The following MYH15 variants were observed in gnomAD, a reference collection of about 807,000 sequenced individuals.
MYH15 encodes myosin heavy chain 15, also known as myosin-15.
MYH15 carries 227 observed loss-of-function variants against 240.5 expected under a neutral mutation model. The observed-to-expected ratio is 0.94, with a 90% CI of 0.85 to 1.05. The LOEUF (loss-of-function observed/expected upper bound fraction) is 1.05. Among genes scored for constraint, MYH15 ranks in the 50% least tolerant of loss-of-function variants. The pLI is 0.00. For missense variants in MYH15, 2,217 were observed against 2,247.5 expected, an observed-to-expected ratio of 0.99 and a Z score of 0.27; for synonymous variants, 785 against 796.7, an observed-to-expected ratio of 0.99 and a Z score of 0.25.
chr3:108,401,185 T>C (rs976921552), intron 33 of MYH15, among the ~76,000 whole-genome samples: 2 of 152,208 alleles, frequency 1.3e-5, no homozygotes, highest in African/African-American at 4.8e-5. Flanking sequence ...GTTCTTGCCG[T>C]AACCCCCAAG....
At chr3:108,459,664 T>C (rs2083054377) in intron 17 of MYH15, among the ~76,000 whole-genome samples, 2 of 152,206 alleles carry the variant, frequency 1.3e-5, no homozygotes, top group African/African-American at 2.4e-5. Flanking sequence ...CATAGTTAAA[T>C]TGTGAATCAT....
chr3:108,395,016 A>G (rs2082449022), intron 35 of MYH15, among the ~76,000 whole-genome samples: 1 of 152,192 alleles, frequency 6.6e-6, no homozygotes, highest in Non-Finnish European at 1.5e-5. Flanking sequence ...CTGTAATCCT[A>G]GCACTTTGGG....
Position 108,410,941 on chromosome 3 carries a change from G to T in MYH15, c.4146-9C>A. On this transcript the variant is annotated splice_polypyrimidine_tract_variant and intron_variant, in intron 30 of 40. Transcript: ENST00000693548. ...TAATTGCCAGTTCCTTCCTGAGAAA[G>T]GAGGACACCCAAAGAGTGAGTGAGG... 1 of 1,585,756 alleles carries T rather than the reference G, an allele frequency of 6.3e-7. No homozygotes were observed. The highest frequency in any genetic ancestry group is 8.6e-7 in the Non-Finnish European group (1 of 1,160,372).
intron 27 of MYH15, among the ~76,000 whole-genome samples, chr3:108,421,746 G>A (rs768526496): frequency 6.6e-6 from 1 of 152,166 alleles, no homozygotes; most frequent in Non-Finnish European, 1.5e-5. Flanking sequence ...GCCCAAGCAG[G>A]ATAGAAGAAA....
chr3:108,381,528 T>C lies in MYH15; in HGVS notation c.*17A>G. The C allele has an allele frequency of 1.2e-6, 2 of 1,613,644 alleles. No homozygotes were observed. Among genetic ancestry groups the C allele is most frequent in the Non-Finnish European group, 1.7e-6 (2 of 1,179,542 alleles). On this transcript the variant is annotated 3_prime_UTR_variant, in exon 41 of 41. Coordinates refer to ENST00000693548, the MANE Select transcript of MYH15 (RefSeq NM_014981.3). ...CCTTGTACTTCTCCAGCTGTTGTCC[T>C]TTCAAAGCAGGGGATGCTATTCTTC...
chr3:108,550,975 T>C, the MYH15 span: 1 of 378,218 alleles, frequency 2.6e-6, no homozygotes, highest in African/African-American at 2.1e-5. Flanking sequence ...GAAAATTAAA[T>C]TTCTATTCAA....
chr3:108,514,356 T>C (rs1344703640), upstream of MYH15, among the ~76,000 whole-genome samples: 1 of 152,162 alleles, frequency 6.6e-6, no homozygotes, highest in East Asian at 1.9e-4. Context: ...ATTTTTATAC[T>C]GGTTGTATTT....
upstream of MYH15, among the ~76,000 whole-genome samples, chr3:108,532,894 GCTA>G (rs1464450814): frequency 2.6e-5 from 4 of 152,244 alleles, no homozygotes; most frequent in Admixed American, 2.0e-4. Context: ...CAATGTATTG[GCTA>G]CTGAGCGTGT....
At chr3:108,527,845 T>C (rs1018934447) in intron 1 of MYH15, among the ~76,000 whole-genome samples, 4 of 152,230 alleles carry the variant, frequency 2.6e-5, no homozygotes, top group Non-Finnish European at 5.9e-5. Context: ...GCCTTCATCT[T>C]AATCTGTTTT....
Position 108,510,333 on chromosome 3 carries a change from C to A in MYH15, c.88+110G>T, listed in dbSNP as rs2083511976. On this transcript the variant is annotated intron_variant, in intron 1 of 40. Coordinates refer to ENST00000693548, the MANE Select transcript of MYH15 (RefSeq NM_014981.3). ...TCCTAGAGGCTGATCATACCCTAAG[C>A]AAATAAGTTAGGCTCTAGAACTGAT... The A allele has an allele frequency of 4.3e-6, 6 of 1,410,474 alleles. No individual in the cohort carries two copies. In the East Asian group the frequency reaches 1.4e-4, roughly 33 times the overall value. The allele number at this position is 1,410,474 out of a possible 1,614,324, so 87.4% of individuals were successfully genotyped here.
chr3:108,445,492 A>G lies in MYH15; in HGVS notation c.2400-597T>C, dbSNP rs1052403235. ...AAATTATACTGCCTGAATGATACAC[A>G]AATATCCAAGAAATTAGCACAGTGA... On this transcript the variant is annotated intron_variant, in intron 21 of 40. Coordinates refer to ENST00000693548, the MANE Select transcript of MYH15 (RefSeq NM_014981.3). Among the ~76,000 whole-genome samples, 13 of 152,262 alleles carry G rather than the reference A, an allele frequency of 8.5e-5. 1 individual carries two copies. Among genetic ancestry groups the G allele is most frequent in the Admixed American group, 7.2e-4 (11 of 15,296 alleles).
intron 11 of MYH15, among the ~76,000 whole-genome samples, chr3:108,483,280 TTAAA>T (rs2083281102): frequency 1.3e-5 from 2 of 150,522 alleles, no homozygotes; most frequent in South Asian, 2.1e-4. Context: ...GGCAAAGGAC[TTAAA>T]TAGACATTTC....
intron 1 of MYH15, among the ~76,000 whole-genome samples, chr3:108,518,781 T>C (rs560298606): frequency 1.3e-5 from 2 of 152,342 alleles, no homozygotes; most frequent in African/African-American, 4.8e-5. Context: ...GTAAGCAACA[T>C]TTCTACAAGA....
At chr3:108,514,052 G>T (rs1323723754), upstream of MYH15, among the ~76,000 whole-genome samples, 1 of 152,170 alleles carries the variant, frequency 6.6e-6, no homozygotes, top group Non-Finnish European at 1.5e-5. Flanking sequence ...CCCTTACTGG[G>T]AAGGGAGAGC....
At position 108,499,491 on chromosome 3, in the gene MYH15, G is replaced by A; in HGVS notation, c.497-9C>T. ...AGACTGATTTTCTCGATCTACAAAA[G>A]AAAGAAAAATGCCAGAATATTCTTA... is the stretch of plus-strand genomic sequence containing the variant. On this transcript the variant is annotated splice_polypyrimidine_tract_variant and intron_variant, in intron 4 of 40. Transcript: ENST00000693548. The A allele has an allele frequency of 6.2e-7, 1 of 1,612,164 alleles. No homozygotes were observed. Among genetic ancestry groups the A allele is most frequent in the Non-Finnish European group, 8.5e-7 (1 of 1,179,032 alleles).
intron 27 of MYH15, among the ~76,000 whole-genome samples, chr3:108,421,647 G>T (rs562052522): frequency 6.6e-6 from 1 of 152,266 alleles, no homozygotes; most frequent in East Asian, 1.9e-4. Context: ...CTGGCACATA[G>T]GAGAGCAATA....
intron 22 of MYH15, 135 bp from the exon 23 acceptor site, chr3:108,441,395 G>C (rs1373877111): frequency 2.1e-6 from 2 of 970,442 alleles, no homozygotes; most frequent in Non-Finnish European, 3.0e-6. Flanking sequence ...TTCCTAAACA[G>C]CTGCAATAAT....
chr3:108,486,872 T>G (rs1406956666), intron 9 of MYH15, among the ~76,000 whole-genome samples: 2 of 152,166 alleles, frequency 1.3e-5, no homozygotes, highest in African/African-American at 4.8e-5. Context: ...AAACAGGAAT[T>G]TGGCCTAGAT....
At chr3:108,481,725 C>T (rs2083269435) in intron 11 of MYH15, among the ~76,000 whole-genome samples, 1 of 152,128 alleles carries the variant, frequency 6.6e-6, no homozygotes, top group African/African-American at 2.4e-5. Context: ...ATAGATTTCG[C>T]TACTAACGGT....
Sources: gnomAD v4.1 joint callset for allele counts (sites outside exome capture counted in the v4.1 genomes callset) on GRCh38, gnomAD v4.1.1 for gene constraint, MANE v1.5 for transcripts, NCBI Gene and HGNC (gene_info 2026-07-23, HGNC 2026-07-21) for gene names.